GLRA3: variants seen among roughly 807,000 people sequenced by gnomAD.
GLRA3 encodes glycine receptor alpha 3.
A neutral mutation model predicts 60.4 loss-of-function variants in GLRA3; 44 were observed. The observed-to-expected ratio is 0.73, with a 90% CI of 0.57 to 0.94. The LOEUF (loss-of-function observed/expected upper bound fraction) is 0.94, where lower values mean the gene tolerates loss of function less well. GLRA3 is among the 40% of genes least tolerant of loss of function. GLRA3 has a pLI of 0.00. For synonymous variants in GLRA3, 223 were observed against 192.9 expected (o/e 1.16, Z -1.29); for missense variants, 508 against 564.6 (o/e 0.90, Z 1.02).
chr4:174,724,666 T>C (rs533302937), intron 4 of GLRA3, among the ~76,000 whole-genome samples: 5 of 152,286 alleles, frequency 3.3e-5, no homozygotes, highest in Non-Finnish European at 7.4e-5. Flanking sequence ...TCATTTTCTT[T>C]TTTTTAGAAA....
In GLRA3 at chr4:174,824,434, G is replaced by A. The variant is rs757169491; in HGVS notation, c.71+4307C>T. ...TGAGTCAAGTTATAAAACTATTCCT[G>A]TAATGATGACTACTCAGTTATAATT... On this transcript the variant is annotated intron_variant, in intron 1 of 9. Coordinates refer to ENST00000274093, the MANE Select transcript of GLRA3 (RefSeq NM_006529.4). Among the ~76,000 whole-genome samples, 111 of 152,214 alleles carry A rather than the reference G, an allele frequency of 7.3e-4. 1 individual carries two copies. Among genetic ancestry groups the A allele is most frequent in the Non-Finnish European group, 3.7e-4 (25 of 67,994 alleles).
intron 7 of GLRA3, among the ~76,000 whole-genome samples, chr4:174,661,432 A>G (rs916002068): frequency 1.3e-5 from 2 of 152,304 alleles, no homozygotes; most frequent in African/African-American, 4.8e-5. Flanking sequence ...TCTGCCAACC[A>G]TATTTTCAGC....
At chr4:174,675,477 T>C (rs1026871678) in intron 7 of GLRA3, among the ~76,000 whole-genome samples, 1 of 152,140 alleles carries the variant, frequency 6.6e-6, no homozygotes, top group Admixed American at 6.6e-5. Context: ...GTAGAAGCCA[T>C]AGATTCTCCT....
At chr4:174,816,030 G>A (rs1396048411) in intron 1 of GLRA3, among the ~76,000 whole-genome samples, 1 of 152,174 alleles carries the variant, frequency 6.6e-6, no homozygotes, top group African/African-American at 2.4e-5. Context: ...AATTCAAGAT[G>A]AGATTTGGGT....
At position 174,817,798 on chromosome 4, in the gene GLRA3, G is replaced by A. The variant is rs185314618; in HGVS notation, c.71+10943C>T. Among the ~76,000 whole-genome samples, 435 of 152,036 alleles carry A rather than the reference G, an allele frequency of 2.9e-3. 5 individuals carry two copies. Among genetic ancestry groups the A allele is most frequent in the African/African-American group, 1.0e-2 (414 of 41,476 alleles). On this transcript the variant is annotated intron_variant, in intron 1 of 9. Transcript: ENST00000274093. ...ATTTTTGTATTTTTAGTAGAGATGG[G>A]GTTTCGTCATGTTGGCCAGTCTGGT...
intron 1 of GLRA3, among the ~76,000 whole-genome samples, chr4:174,825,755 A>G (rs1740939447): frequency 6.6e-6 from 1 of 152,084 alleles, no homozygotes; most frequent in African/African-American, 2.4e-5. Flanking sequence ...TTTTGTAAAT[A>G]TTTTGTAAAT....
At position 174,766,967 on chromosome 4, in the gene GLRA3, G is replaced by A; in HGVS notation, c.263C>T (p.Thr88Ile). 6.4e-7 allele frequency: 1 copy of A among 1,560,130 alleles called. No homozygotes were observed. Among genetic ancestry groups the A allele is most frequent in the Non-Finnish European group, 8.8e-7 (1 of 1,135,340 alleles). Reference sequence around the variant, plus strand: ...GTTGCAAAGTAAAATGCCTACCATGGTCGTCTCTGCGATAGAGCCAAAGCT... The same window carrying A: ...GTTGCAAAGTAAAATGCCTACCATGATCGTCTCTGCGATAGAGCCAAAGCT... ...INSFGSIAET[T>I]MDYRVNIFLR... is the part of the protein sequence containing the mutation. The change falls in exon 3 of 10, where the codon ACC (threonine) becomes ATC (isoleucine). Residue 88 changes from threonine to isoleucine, a missense_variant. By Grantham distance (89) the Thr-to-Ile change is moderately conservative (BLOSUM62 -1). Coordinates refer to ENST00000274093, the MANE Select transcript of GLRA3 (RefSeq NM_006529.4).
At chr4:174,682,766 A>G in intron 6 of GLRA3, 36 bp downstream of exon 6, 6 of 1,469,184 alleles carry the variant, frequency 4.1e-6, no homozygotes, top group Non-Finnish European at 5.6e-6. Flanking sequence ...ATAAAACCAC[A>G]AGTAGTAAGT....
intron 1 of GLRA3, among the ~76,000 whole-genome samples, chr4:174,801,494 C>G (rs1561128213): frequency 1.3e-5 from 2 of 152,114 alleles, no homozygotes; most frequent in Non-Finnish European, 2.9e-5. Context: ...CAAGTTTGCT[C>G]TTTCTGCATT....
At position 174,653,896 on chromosome 4, in the gene GLRA3, A is replaced by G. The variant is rs527453632; in HGVS notation, c.1116+2847T>C. Among the ~76,000 whole-genome samples the G allele has an allele frequency of 3.3e-5, 5 of 152,246 alleles. No individual in the cohort carries two copies. In the East Asian group the frequency reaches 9.7e-4, roughly 29 times the overall value. On this transcript the variant is annotated intron_variant, in intron 9 of 9. Coordinates refer to ENST00000274093, the MANE Select transcript of GLRA3 (RefSeq NM_006529.4). Reference sequence around the variant, plus strand: ...TTCAGAGAATATAGCTATAAGAAATAGCTGCGTTTAACATAAACTAAATAT... The same window carrying G: ...TTCAGAGAATATAGCTATAAGAAATGGCTGCGTTTAACATAAACTAAATAT...
chr4:174,741,704 A>G (rs1394277458), intron 3 of GLRA3, among the ~76,000 whole-genome samples: 1 of 152,104 alleles, frequency 6.6e-6, no homozygotes, highest in East Asian at 1.9e-4. Context: ...TTTTCTTCTA[A>G]TCATTTTATA....
At position 174,727,687 on chromosome 4, in the gene GLRA3, C is replaced by T. The variant is rs550311935; in HGVS notation, c.491+788G>A. 2.0e-5 allele frequency among the ~76,000 whole-genome samples: 3 copies of T among 152,226 alleles called. No individual in the cohort carries two copies. The South Asian group carries it at 6.2e-4, about 32-fold the overall frequency. The stretch of plus-strand genomic sequence containing the variant: ...TGTAAGTAGCTATTTACTGACTCTA[C>T]ATTTGTTTCATATTTAATGAACTGC... On this transcript the variant is annotated intron_variant, in intron 4 of 9. Transcript: ENST00000274093.
At chr4:174,807,030 GAAGA>G (rs1579639301) in intron 1 of GLRA3, among the ~76,000 whole-genome samples, 1 of 151,988 alleles carries the variant, frequency 6.6e-6, no homozygotes, top group Admixed American at 6.6e-5. Context: ...TATGTTCTCA[GAAGA>G]AAATAGCCAG....
At chr4:174,650,009 G>C (rs1031024605) in intron 9 of GLRA3, among the ~76,000 whole-genome samples, 1 of 152,048 alleles carries the variant, frequency 6.6e-6, no homozygotes, top group Non-Finnish European at 1.5e-5. Context: ...TACTTTCCCT[G>C]ACCAAGCAGA....
chr4:174,734,591 G>A (rs1370789631), intron 3 of GLRA3, among the ~76,000 whole-genome samples: 1 of 151,850 alleles, frequency 6.6e-6, no homozygotes, highest in African/African-American at 2.4e-5. Context: ...GAAAAAAGAA[G>A]ATTTTAAAAT....
intron 2 of GLRA3, among the ~76,000 whole-genome samples, chr4:174,786,992 T>C (rs941356593): frequency 6.6e-6 from 1 of 152,160 alleles, no homozygotes; most frequent in African/African-American, 2.4e-5. Context: ...AGAATCAGTA[T>C]TTGTTTTAAG....
intron 4 of GLRA3, among the ~76,000 whole-genome samples, chr4:174,718,115 C>A (rs577613967): frequency 6.6e-6 from 1 of 152,286 alleles, no homozygotes; most frequent in African/African-American, 2.4e-5. Flanking sequence ...TAAATCATAT[C>A]CTGAAAAAAT....
At chr4:174,810,124 TA>T (rs1474893123) in intron 1 of GLRA3, among the ~76,000 whole-genome samples, 1 of 152,188 alleles carries the variant, frequency 6.6e-6, no homozygotes, top group African/African-American at 2.4e-5. Flanking sequence ...TCATGGAGTT[TA>T]CATTCTAGCA....
intron 5 of GLRA3, among the ~76,000 whole-genome samples, chr4:174,701,604 C>T (rs562241906): frequency 6.6e-6 from 1 of 152,246 alleles, no homozygotes; most frequent in East Asian, 1.9e-4. Flanking sequence ...TCTTATGGAT[C>T]TGGGCAAAGT....
Sources: gnomAD v4.1 joint callset for allele counts (sites outside exome capture counted in the v4.1 genomes callset) on GRCh38, gnomAD v4.1.1 for gene constraint, MANE v1.5 for transcripts, NCBI Gene and HGNC (gene_info 2026-07-23, HGNC 2026-07-21) for gene names.